PTPRD: variants seen among roughly 807,000 people sequenced by gnomAD.
The protein encoded by PTPRD is protein tyrosine phosphatase receptor type D, also known as receptor-type tyrosine-protein phosphatase delta.
PTPRD carries 34 observed loss-of-function variants against 214.5 expected under a neutral mutation model. The ratio of observed to expected loss-of-function variants is 0.16; its 90% CI spans 0.12 to 0.21. The LOEUF (loss-of-function observed/expected upper bound fraction) is 0.21, where lower values mean the gene tolerates loss of function less well. Ranked by LOEUF, PTPRD falls within the 10% of genes least tolerant of loss-of-function variation. The probability of loss-of-function intolerance (pLI) is 1.00; values close to 1 mark genes in which losing one functional copy is unlikely to be tolerated. For synonymous variants in PTPRD, 1,128 were observed against 845.7 expected, an observed-to-expected ratio of 1.33 and a Z score of -5.79; for missense variants, 2,545 against 2,398.7, an observed-to-expected ratio of 1.06 and a Z score of -1.27.
intron 2 of PTPRD, among the ~76,000 whole-genome samples, chr9:10,426,241 G>A (rs2098614264): frequency 6.6e-6 from 1 of 151,670 alleles, no homozygotes; most frequent in Non-Finnish European, 1.5e-5. Flanking sequence ...TTTGTTAATG[G>A]GTGCCAAATT....
At chr9:8,766,635 A>C (rs1401760928) in intron 11 of PTPRD, among the ~76,000 whole-genome samples, 1 of 152,158 alleles carries the variant, frequency 6.6e-6, no homozygotes, top group Non-Finnish European at 1.5e-5. Flanking sequence ...GTGGGAAAGG[A>C]CACTTCTTAC....
chr9:10,592,489 A>AC (rs2075703461), intron 2 of PTPRD, among the ~76,000 whole-genome samples: 1 of 151,846 alleles, frequency 6.6e-6, no homozygotes, highest in African/African-American at 2.4e-5. Flanking sequence ...AAGACTTGGG[A>AC]CCCCAGCTAC....
Position 8,599,406 on chromosome 9 carries a change from A to C in PTPRD, c.352+33911T>G, listed in dbSNP as rs13290348. Among the ~76,000 whole-genome samples the C allele has an allele frequency of 8.9e-3, 1,351 of 152,292 alleles. 12 individuals are homozygous for C. Among genetic ancestry groups the C allele is most frequent in the Non-Finnish European group, 0.014 (954 of 68,034 alleles). ...TTCTGAAAAGTAAAAACAAAACAAA[A>C]GTCATTGAAGCATCAGTTACCTATG... On this transcript the variant is annotated intron_variant, in intron 14 of 45. Transcript: ENST00000381196.
At chr9:10,271,747 T>C (rs2475360) in intron 3 of PTPRD, among the ~76,000 whole-genome samples, 83,733 of 151,498 alleles carry the variant, frequency 0.55, 25,075 homozygotes, top group Non-Finnish European at 0.68. Flanking sequence ...TTCACCATGT[T>C]GGCCAGGCTG....
chr9:10,426,112 A>G (rs2098611980), intron 2 of PTPRD, among the ~76,000 whole-genome samples: 1 of 152,020 alleles, frequency 6.6e-6, no homozygotes, highest in South Asian at 2.1e-4. Flanking sequence ...ACTAAAGCCA[A>G]TGCTTAAGAA....
intron 2 of PTPRD, among the ~76,000 whole-genome samples, chr9:10,500,094 A>G (rs913038583): frequency 6.6e-6 from 1 of 151,820 alleles, no homozygotes. Context: ...ATACATTTCT[A>G]CTAACGGATT....
At position 9,700,211 on chromosome 9, in the gene PTPRD, A is replaced by C. The variant is rs114048719; in HGVS notation, c.-287+34322T>G. 4.8e-3 allele frequency among the ~76,000 whole-genome samples: 725 copies of C among 152,266 alleles called. 5 individuals carry two copies. The highest frequency in any genetic ancestry group is 0.016 in the African/African-American group (684 of 41,586). ...TTGTAGTACTGCCCTTCGGAAATAC[A>C]TTAAACTTCTACATAAAAGTGGAAT... is the stretch of plus-strand genomic sequence containing the variant. On this transcript the variant is annotated intron_variant, in intron 7 of 45. Transcript: ENST00000381196.
At chr9:9,880,615 G>A (rs1268625633) in intron 5 of PTPRD, among the ~76,000 whole-genome samples, 1 of 152,012 alleles carries the variant, frequency 6.6e-6, no homozygotes, top group African/African-American at 2.4e-5. Context: ...AATTTAATTT[G>A]TTTCTTTGGG....
intron 10 of PTPRD, among the ~76,000 whole-genome samples, chr9:9,157,016 T>G (rs937303429): frequency 2.0e-5 from 3 of 152,216 alleles, no homozygotes; most frequent in Non-Finnish European, 4.4e-5. Flanking sequence ...TTTTCAGTTT[T>G]TTGGACAAGA....
intron 2 of PTPRD, among the ~76,000 whole-genome samples, chr9:10,460,041 C>T (rs1038268625): frequency 4.0e-5 from 6 of 151,850 alleles, no homozygotes; most frequent in African/African-American, 9.7e-5. Context: ...CAGAGAGTTT[C>T]GGAGATGGAT....
chr9:8,594,960 T>C (rs1175190074), intron 14 of PTPRD, among the ~76,000 whole-genome samples: 2 of 150,844 alleles, frequency 1.3e-5, no homozygotes, highest in African/African-American at 4.9e-5. Flanking sequence ...CCTCCCAGGT[T>C]CACTCCATTC....
chr9:8,887,677 G>T (rs988307559), intron 11 of PTPRD, among the ~76,000 whole-genome samples: 1 of 152,128 alleles, frequency 6.6e-6, no homozygotes, highest in African/African-American at 2.4e-5. Flanking sequence ...GTTACAAAGA[G>T]ATGAGATTTT....
At chr9:10,354,734 T>C (rs1240147550) in intron 2 of PTPRD, among the ~76,000 whole-genome samples, 1 of 152,208 alleles carries the variant, frequency 6.6e-6, no homozygotes, top group Non-Finnish European at 1.5e-5. Context: ...TGACGTTATA[T>C]CTTCATTTCT....
chr9:8,690,338 T>A (rs2097777056), intron 12 of PTPRD, among the ~76,000 whole-genome samples: 1 of 151,552 alleles, frequency 6.6e-6, no homozygotes, highest in African/African-American at 2.4e-5. Flanking sequence ...CCATCCTGGA[T>A]AACGCAGTGA....
intron 5 of PTPRD, among the ~76,000 whole-genome samples, chr9:9,912,182 C>T (rs2153830576): frequency 6.6e-6 from 1 of 152,104 alleles, no homozygotes; most frequent in East Asian, 1.9e-4. Flanking sequence ...CAAATAAATA[C>T]ACTTTTTTAA....
chr9:10,187,602 TAAAG>T (rs1465553576), intron 3 of PTPRD, among the ~76,000 whole-genome samples: 1 of 152,206 alleles, frequency 6.6e-6, no homozygotes, highest in Non-Finnish European at 1.5e-5. Context: ...ATTTCTAAAA[TAAAG>T]ACAGTAGGTA....
chr9:10,027,408 G>A (rs989696936), intron 4 of PTPRD, among the ~76,000 whole-genome samples: 3 of 152,134 alleles, frequency 2.0e-5, no homozygotes, highest in African/African-American at 7.2e-5. Context: ...TCACAAACAT[G>A]GCCCACTATC....
chr9:8,482,785 G>T (rs1374146708), intron 30 of PTPRD, among the ~76,000 whole-genome samples: 1 of 152,082 alleles, frequency 6.6e-6, no homozygotes, highest in Non-Finnish European at 1.5e-5. Flanking sequence ...AGGCGCTCTG[G>T]GATCCAGCCG....
intron 9 of PTPRD, among the ~76,000 whole-genome samples, chr9:9,396,383 C>G (rs116120382): frequency 0.014 from 2,168 of 152,074 alleles, 40 homozygotes; most frequent in African/African-American, 0.05. Context: ...GATTCTAAAT[C>G]AGAATCTGCG....
Sources: allele counts gnomAD v4.1 joint callset (sites outside exome capture counted in the v4.1 genomes callset), GRCh38; gene constraint gnomAD v4.1.1; transcripts MANE v1.5; gene names NCBI Gene and HGNC (gene_info 2026-07-23, HGNC 2026-07-21).